Variants in SETBP1 observed in about 807,000 individuals in gnomAD.
SETBP1 encodes SET-binding protein.
In SETBP1, 9 loss-of-function variants were observed where a neutral mutation model predicts 101.0. The ratio of observed to expected loss-of-function variants is 0.09; its 90% CI spans 0.05 to 0.16. The LOEUF is 0.16. Among genes scored for constraint, SETBP1 ranks in the 10% least tolerant of loss-of-function variants. The pLI is 1.00. For synonymous variants in SETBP1, 818 were observed against 788.5 expected (o/e 1.04, Z -0.63); for missense variants, 1,858 against 2,033.8 (o/e 0.91, Z 1.66).
chr18:45,058,009 G>A (rs1036386432), intron 5 of SETBP1, among the ~76,000 whole-genome samples: 4 of 152,224 alleles, frequency 2.6e-5, no homozygotes, highest in African/African-American at 9.6e-5. Flanking sequence ...TAATGGGAGT[G>A]AAAAGATAGA....
chr18:44,738,738 C>T (rs1416948344), intron 2 of SETBP1, among the ~76,000 whole-genome samples: 3 of 144,764 alleles, frequency 2.1e-5, no homozygotes, highest in African/African-American at 5.2e-5. Context: ...CATGCCACTG[C>T]ACTCCAGCCT....
At chr18:44,769,585 C>A (rs1599100994) in intron 2 of SETBP1, among the ~76,000 whole-genome samples, 1 of 152,152 alleles carries the variant, frequency 6.6e-6, no homozygotes, top group East Asian at 1.9e-4. Flanking sequence ...TTTCAGGGTC[C>A]AGAAGTGAGT....
chr18:44,885,724 G>A (rs1216355178), intron 3 of SETBP1, among the ~76,000 whole-genome samples: 1 of 151,552 alleles, frequency 6.6e-6, no homozygotes, highest in Non-Finnish European at 1.5e-5. Flanking sequence ...GACAACCTGA[G>A]TGCAGGTGGA....
chr18:45,051,494 A>G (rs1467705058), intron 5 of SETBP1, among the ~76,000 whole-genome samples: 1 of 152,180 alleles, frequency 6.6e-6, no homozygotes, highest in Non-Finnish European at 1.5e-5. Context: ...GAGGCTATAC[A>G]TGTGCTGGGG....
At chr18:44,781,138 G>A (rs1185833144) in intron 2 of SETBP1, among the ~76,000 whole-genome samples, 1 of 152,112 alleles carries the variant, frequency 6.6e-6, no homozygotes, top group African/African-American at 2.4e-5. Context: ...TTAGGTAGGG[G>A]TCTTCCCAAC....
At chr18:44,849,051 T>A (rs2072791447) in intron 2 of SETBP1, among the ~76,000 whole-genome samples, 1 of 152,180 alleles carries the variant, frequency 6.6e-6, no homozygotes, top group Non-Finnish European at 1.5e-5. Context: ...TTATTACAAG[T>A]CCCTAATACC....
chr18:45,005,591 T>C (rs1373687356), intron 4 of SETBP1, among the ~76,000 whole-genome samples: 1 of 151,418 alleles, frequency 6.6e-6, no homozygotes, highest in African/African-American at 2.4e-5. Context: ...CCTTCAAAGG[T>C]ACTCCAGGCC....
At chr18:45,054,116 A>G (rs1302061835) in intron 5 of SETBP1, among the ~76,000 whole-genome samples, 1 of 152,180 alleles carries the variant, frequency 6.6e-6, no homozygotes, top group African/African-American at 2.4e-5. Flanking sequence ...GGACGGCTAA[A>G]TGCCCTCGTA....
intron 5 of SETBP1, among the ~76,000 whole-genome samples, chr18:45,050,776 T>C (rs143356423): frequency 3.3e-5 from 5 of 152,312 alleles, no homozygotes; most frequent in Non-Finnish European, 7.3e-5. Flanking sequence ...TGCCTAATAC[T>C]ACCTATAAAT....
At chr18:44,823,005 C>G (rs2072149201) in intron 2 of SETBP1, among the ~76,000 whole-genome samples, 2 of 152,162 alleles carry the variant, frequency 1.3e-5, no homozygotes, top group African/African-American at 4.8e-5. Flanking sequence ...GTGGTGTTAG[C>G]CTGTAATCCC....
In SETBP1 at chr18:45,002,061, C is replaced by T. The variant is rs574458524; in HGVS notation, c.4001-36424C>T. The stretch of plus-strand genomic sequence containing the variant: ...CTGGAAAGCTCCTTCAGAAAAGCTT[C>T]GCTTCCGTACATTGATCTCTCTTTG... On this transcript the variant is annotated intron_variant, in intron 4 of 5. Coordinates refer to ENST00000649279, the MANE Select transcript of SETBP1 (RefSeq NM_015559.3). Among the ~76,000 whole-genome samples the T allele has an allele frequency of 3.9e-5, 6 of 152,272 alleles. No homozygotes were observed. In the South Asian group the frequency reaches 6.2e-4, roughly 16 times the overall value.
intron 2 of SETBP1, 143 bp downstream of exon 2, chr18:44,701,975 T>C: frequency 1.1e-6 from 1 of 951,358 alleles, no homozygotes; most frequent in Non-Finnish European, 1.6e-6. Context: ...CACAGTTAAA[T>C]CTGTGTGTAA....
At chr18:45,009,330 G>T (rs749616190) in intron 4 of SETBP1, among the ~76,000 whole-genome samples, 1 of 150,592 alleles carries the variant, frequency 6.6e-6, no homozygotes, top group Non-Finnish European at 1.5e-5. Flanking sequence ...CCTCCATCTC[G>T]GATGCCTGTG....
chr18:44,913,742 G>A (rs1450732181), intron 3 of SETBP1, among the ~76,000 whole-genome samples: 2 of 152,208 alleles, frequency 1.3e-5, no homozygotes, highest in African/African-American at 2.4e-5. Flanking sequence ...GCTCAGAGCT[G>A]TATGTATGTT....
chr18:44,990,887 A>T (rs1003567218), intron 4 of SETBP1, among the ~76,000 whole-genome samples: 1 of 150,542 alleles, frequency 6.6e-6, no homozygotes, highest in African/African-American at 2.4e-5. Flanking sequence ...CACTAAACAG[A>T]TAGAACTAAA....
chr18:44,768,514 G>A (rs1568133536), intron 2 of SETBP1, among the ~76,000 whole-genome samples: 2 of 152,086 alleles, frequency 1.3e-5, no homozygotes, highest in Admixed American at 1.3e-4. Flanking sequence ...TACTTTTGGA[G>A]GAATTGGGTT....
intron 3 of SETBP1, among the ~76,000 whole-genome samples, chr18:44,929,910 A>G (rs145519815): frequency 1.4e-3 from 213 of 152,300 alleles, no homozygotes; most frequent in African/African-American, 4.9e-3. Context: ...CTCTCTTCCT[A>G]ATCAAATACA....
At chr18:45,011,718 C>T (rs1324050149) in intron 4 of SETBP1, among the ~76,000 whole-genome samples, 2 of 152,178 alleles carry the variant, frequency 1.3e-5, no homozygotes, top group Non-Finnish European at 2.9e-5. Context: ...CGTGGCTGCC[C>T]CTGCATGTGC....
At chr18:44,880,370 AAG>A (rs1476953046) in intron 3 of SETBP1, among the ~76,000 whole-genome samples, 1 of 152,150 alleles carries the variant, frequency 6.6e-6, no homozygotes, top group African/African-American at 2.4e-5. Flanking sequence ...TGATGGAAAA[AAG>A]AGAGGTCTGT....
Sources: allele counts gnomAD v4.1 joint callset (sites outside exome capture counted in the v4.1 genomes callset), GRCh38; gene constraint gnomAD v4.1.1; transcripts MANE v1.5; gene names NCBI Gene and HGNC (gene_info 2026-07-23, HGNC 2026-07-21).